RAB18: variants seen among roughly 807,000 people sequenced by gnomAD.
RAB18 encodes the protein ras-related protein Rab-18.
In RAB18, 10 loss-of-function variants were observed where a neutral mutation model predicts 28.5. That is an observed-to-expected ratio of 0.35 (90% CI 0.22 to 0.60). The LOEUF (loss-of-function observed/expected upper bound fraction) is 0.60. Among genes scored for constraint, RAB18 ranks in the 20% least tolerant of loss-of-function variants. RAB18 has a pLI of 0.78. For missense variants in RAB18, 188 were observed against 244.2 expected, an observed-to-expected ratio of 0.77 and a Z score of 1.53; for synonymous variants, 93 against 86.9, an observed-to-expected ratio of 1.07 and a Z score of -0.39.
chr10:27,541,997 C>A lies in RAB18; in HGVS notation c.*3946C>A, dbSNP rs1206778161. ...CAGACTACTGAGATAAAGATGTTTG[C>A]CTAGGCTTTTTCAGGAGCAATTGAA... On this transcript the variant is annotated 3_prime_UTR_variant, in exon 7 of 7. Transcript: ENST00000356940. 2 of 453,904 alleles carry A rather than the reference C, an allele frequency of 4.4e-6. No homozygotes were observed. The highest frequency in any genetic ancestry group is 4.0e-5 in the African/African-American group (2 of 49,978). The allele number at this position is 453,904 out of a possible 1,614,324, so 28.1% of individuals were successfully genotyped here. A position where few individuals can be genotyped will look rare whatever the true frequency, so the allele number is the denominator to read the frequency against.
At chr10:27,536,724 A>C (rs1036744375) in intron 6 of RAB18, among the ~76,000 whole-genome samples, 9 of 152,166 alleles carry the variant, frequency 5.9e-5, no homozygotes, top group African/African-American at 2.2e-4. Context: ...AAAGAAGAGG[A>C]AGTGATTAGC....
chr10:27,515,687 T>G (rs1334555216), intron 2 of RAB18, among the ~76,000 whole-genome samples: 1 of 152,072 alleles, frequency 6.6e-6, no homozygotes, highest in Non-Finnish European at 1.5e-5. Context: ...TAAGCTGTGA[T>G]CGTACCACTG....
chr10:27,536,049 T>A (rs1410953148), intron 6 of RAB18, among the ~76,000 whole-genome samples: 1 of 149,576 alleles, frequency 6.7e-6, no homozygotes. Flanking sequence ...GCCACTGCAC[T>A]CCAGCCTGGG....
intron 1 of RAB18, among the ~76,000 whole-genome samples, chr10:27,508,085 T>C (rs950780892): frequency 5.3e-5 from 8 of 151,368 alleles, no homozygotes; most frequent in African/African-American, 1.9e-4. Flanking sequence ...CAAAATCTAA[T>C]AGAGAAATGG....
intron 2 of RAB18, 87 bp downstream of exon 2, chr10:27,510,017 C>A: frequency 1.0e-6 from 1 of 961,414 alleles, no homozygotes; most frequent in Non-Finnish European, 1.7e-6. Context: ...ACCTTCCTCT[C>A]ACCACCCCAC....
chr10:27,524,687 C>G (rs142653638), intron 2 of RAB18, among the ~76,000 whole-genome samples: 23 of 152,314 alleles, frequency 1.5e-4, no homozygotes, highest in African/African-American at 4.3e-4. Context: ...ATTGAAGACA[C>G]AGTTTAATCA....
rs188313554 is a variant in RAB18, at chr10:27,540,870, C to G, written c.*2819C>G. The G allele has an allele frequency of 2.2e-6, 1 of 454,060 alleles. No homozygotes were observed. The highest frequency in any genetic ancestry group is 2.3e-5 in the Admixed American group (1 of 42,576). The allele number at this position is 454,060 out of a possible 1,614,324, so 28.1% of individuals were successfully genotyped here. On this transcript the variant is annotated 3_prime_UTR_variant, in exon 7 of 7. Coordinates refer to ENST00000356940, the MANE Select transcript of RAB18 (RefSeq NM_021252.5). ...TTGCATGGTCAAGAGACATGATTCT[C>G]TACTAAGGGTGGGGCTAGCACCATA...
rs1209294352 is a variant in RAB18, at chr10:27,512,505, A to G, written c.124+2575A>G. ...ATTTTTAGTAGAGATGGGTTTTGCT[A>G]TGTTGGCCAGTCTGGTCTTGAACTC... On this transcript the variant is annotated intron_variant, in intron 2 of 6. Coordinates refer to ENST00000356940, the MANE Select transcript of RAB18 (RefSeq NM_021252.5). Among the ~76,000 whole-genome samples, 8 of 151,892 alleles carry G rather than the reference A, an allele frequency of 5.3e-5. No individual in the cohort carries two copies. In the East Asian group the frequency reaches 9.7e-4, roughly 18 times the overall value.
intron 6 of RAB18, among the ~76,000 whole-genome samples, chr10:27,535,466 T>G (rs1028891981): frequency 6.6e-6 from 1 of 152,114 alleles, no homozygotes; most frequent in Non-Finnish European, 1.5e-5. Flanking sequence ...AGAAAGCGTG[T>G]GTACTGGAGC....
chr10:27,528,802 A>T (rs1275391007), intron 3 of RAB18, among the ~76,000 whole-genome samples: 1 of 151,924 alleles, frequency 6.6e-6, no homozygotes, highest in African/African-American at 2.4e-5. Context: ...TACACCAAAA[A>T]GCCTTTTTTT....
chr10:27,523,983 G>A (rs1196658748), intron 2 of RAB18, among the ~76,000 whole-genome samples: 3 of 151,878 alleles, frequency 2.0e-5, no homozygotes, highest in Admixed American at 6.6e-5. Context: ...GGAGGCTGAG[G>A]CAGCAGAATG....
chr10:27,513,739 C>A (rs1414769463), intron 2 of RAB18, among the ~76,000 whole-genome samples: 1 of 152,164 alleles, frequency 6.6e-6, no homozygotes, highest in East Asian at 1.9e-4. Context: ...GATGCCGTGG[C>A]TGTGGAGCTC....
At chr10:27,528,738 A>G (rs1022718053) in intron 3 of RAB18, among the ~76,000 whole-genome samples, 1 of 152,022 alleles carries the variant, frequency 6.6e-6, no homozygotes, top group African/African-American at 2.4e-5. Context: ...TTGTCCAGTT[A>G]CTTTAGAATG....
At chr10:27,512,311 T>TA (rs1397816552) in intron 2 of RAB18, among the ~76,000 whole-genome samples, 5 of 151,842 alleles carry the variant, frequency 3.3e-5, no homozygotes, top group African/African-American at 1.2e-4. Context: ...TATTTAATTT[T>TA]ATTTATTTAT....
rs778679085 is a variant in RAB18 at position 27,539,533 on chromosome 10, A to T, written c.*1482A>T. Reference sequence around the variant, plus strand: ...TATACATTCTATATGCTTTTACTAAATATACAAGATTTACTACTAGAAATT... The same window carrying T: ...TATACATTCTATATGCTTTTACTAATTATACAAGATTTACTACTAGAAATT... On this transcript the variant is annotated 3_prime_UTR_variant, in exon 7 of 7. Coordinates refer to ENST00000356940, the MANE Select transcript of RAB18 (RefSeq NM_021252.5). 2 of 391,678 alleles carry T rather than the reference A, an allele frequency of 5.1e-6. No homozygotes were observed. The highest frequency in any genetic ancestry group is 9.9e-6 in the Non-Finnish European group (2 of 202,394). 24.3% of individuals were successfully genotyped at this position (391,678 alleles called of 1,614,324 possible).
chr10:27,506,476 A>G (rs1350087529), intron 1 of RAB18, among the ~76,000 whole-genome samples: 1 of 151,940 alleles, frequency 6.6e-6, no homozygotes, highest in Non-Finnish European at 1.5e-5. Context: ...ACGAGTCACC[A>G]TGTCTGACTA....
chr10:27,542,020 G>C lies in RAB18; in HGVS notation c.*3969G>C. On this transcript the variant is annotated 3_prime_UTR_variant, in exon 7 of 7. Coordinates refer to ENST00000356940, the MANE Select transcript of RAB18 (RefSeq NM_021252.5). ...TGCCTAGGCTTTTTCAGGAGCAATT[G>C]AAGACATCTTGTTGGAGATAGTGTG... is the stretch of plus-strand genomic sequence containing the variant. The C allele has an allele frequency of 2.2e-6, 1 of 454,098 alleles. No homozygotes were observed. The allele number at this position is 454,098 out of a possible 1,614,324, so 28.1% of individuals were successfully genotyped here. A position where few individuals can be genotyped will look rare whatever the true frequency, so the allele number is the denominator to read the frequency against.
At chr10:27,504,877 C>T (rs536754895) in intron 1 of RAB18, 4 of 487,786 alleles carry the variant, frequency 8.2e-6, no homozygotes, top group African/African-American at 2.0e-5. Context: ...GTGGGGCCTT[C>T]TCTAAATACA....
intron 1 of RAB18, among the ~76,000 whole-genome samples, chr10:27,507,528 C>T (rs1163137585): frequency 2.0e-5 from 3 of 148,702 alleles, no homozygotes; most frequent in Non-Finnish European, 3.0e-5. Flanking sequence ...GCTGTCCCTC[C>T]TTTGCCCCTT....
Sources: allele counts gnomAD v4.1 joint callset (sites outside exome capture counted in the v4.1 genomes callset), GRCh38; gene constraint gnomAD v4.1.1; transcripts MANE v1.5; gene names NCBI Gene and HGNC (gene_info 2026-07-23, HGNC 2026-07-21).